The following RANBP17 variants were observed in gnomAD, a reference collection of about 807,000 sequenced individuals.
The protein encoded by RANBP17 is ran-binding protein 17.
In RANBP17, 158 loss-of-function variants were observed where a neutral mutation model predicts 141.2. The observed-to-expected ratio is 1.12, with a 90% confidence interval of 0.98 to 1.28. The LOEUF is 1.28. Among genes scored for constraint, RANBP17 ranks in the 50% most tolerant of loss-of-function variants. The pLI is 0.00. For missense variants in RANBP17, 1,438 were observed against 1,290.7 expected, an observed-to-expected ratio of 1.11 and a Z score of -1.75; for synonymous variants, 430 against 450.0, an observed-to-expected ratio of 0.96 and a Z score of 0.56.
intron 14 of RANBP17, among the ~76,000 whole-genome samples, chr5:171,147,011 T>TTAGTTAA: frequency 6.6e-6 from 1 of 152,186 alleles, no homozygotes; most frequent in East Asian, 1.9e-4. Context: ...AATTAGTAAA[T>TTAGTTAA]ATGTGTAAAT....
intron 24 of RANBP17, among the ~76,000 whole-genome samples, chr5:171,262,420 G>T (rs1325124566): frequency 6.6e-6 from 1 of 152,146 alleles, no homozygotes; most frequent in East Asian, 1.9e-4. Context: ...AGTTAATACG[G>T]AGAGATGCAG....
In RANBP17 at chr5:171,170,215, T is replaced by C; in HGVS notation, c.1784+12T>C. On this transcript the variant is annotated intron_variant, in intron 15 of 27. Transcript: ENST00000523189. Reference sequence around the variant, plus strand: ...TTCATGACAAAAATGTGAGTTCTTGTTTTGGTCTTTAATTTTTCTTTTGTT... The same window carrying C: ...TTCATGACAAAAATGTGAGTTCTTGCTTTGGTCTTTAATTTTTCTTTTGTT... 2 of 1,502,048 alleles carry C rather than the reference T, an allele frequency of 1.3e-6. No individual in the cohort carries two copies. The highest frequency in any genetic ancestry group is 2.8e-5 in the African/African-American group (2 of 71,212). The allele number at this position is 1,502,048 out of a possible 1,614,324, so 93.0% of individuals were successfully genotyped here.
At chr5:171,195,147 A>C (rs192001843) in intron 18 of RANBP17, among the ~76,000 whole-genome samples, 2 of 152,312 alleles carry the variant, frequency 1.3e-5, no homozygotes, top group Admixed American at 1.3e-4. Context: ...TTAGTCTATA[A>C]ATTGGCACTT....
At chr5:170,904,204 T>G (rs1770892167) in intron 5 of RANBP17, 2 of 282,586 alleles carry the variant, frequency 7.1e-6, no homozygotes, top group South Asian at 1.0e-4. Flanking sequence ...CTGTGGACCA[T>G]TTTTATTCAT....
At chr5:171,092,935 A>G (rs1350329945) in intron 14 of RANBP17, among the ~76,000 whole-genome samples, 3 of 152,232 alleles carry the variant, frequency 2.0e-5, no homozygotes, top group Non-Finnish European at 4.4e-5. Context: ...TATTATGGAA[A>G]GCACTCATCT....
chr5:171,198,299 C>T (rs555592509), intron 18 of RANBP17, among the ~76,000 whole-genome samples: 2 of 152,284 alleles, frequency 1.3e-5, no homozygotes, highest in South Asian at 2.1e-4. Flanking sequence ...TACTGACCTT[C>T]GTTTAGAACG....
chr5:171,153,495 A>G (rs1758632518), intron 14 of RANBP17, among the ~76,000 whole-genome samples: 1 of 152,176 alleles, frequency 6.6e-6, no homozygotes, highest in Non-Finnish European at 1.5e-5. Context: ...GGAGAACACA[A>G]AGTTAATAGG....
chr5:171,218,387 C>T (rs1205729424), intron 21 of RANBP17, among the ~76,000 whole-genome samples: 1 of 152,150 alleles, frequency 6.6e-6, no homozygotes, highest in Non-Finnish European at 1.5e-5. Flanking sequence ...GTGGAGAGTT[C>T]TGTAGATGTC....
intron 14 of RANBP17, among the ~76,000 whole-genome samples, chr5:171,166,507 T>C (rs532349485): frequency 6.6e-6 from 1 of 152,228 alleles, no homozygotes; most frequent in African/African-American, 2.4e-5. Context: ...TGGTTTCTTC[T>C]TGGTGTCATA....
chr5:171,296,668 T>G (rs1768842487), intron 27 of RANBP17, among the ~76,000 whole-genome samples: 2 of 152,250 alleles, frequency 1.3e-5, no homozygotes, highest in Admixed American at 1.3e-4. Flanking sequence ...ATCTCAGCAC[T>G]TTGGGAAGCC....
rs1332011017 is a variant in RANBP17, at chr5:171,038,193, T to C, written c.1710+69816T>C. Among the ~76,000 whole-genome samples the C allele has an allele frequency of 4.6e-3, 690 of 149,706 alleles. 4 individuals carry two copies. Among genetic ancestry groups the C allele is most frequent in the African/African-American group, 0.015 (604 of 39,452 alleles). On this transcript the variant is annotated intron_variant, in intron 14 of 27. Coordinates refer to ENST00000523189, the MANE Select transcript of RANBP17 (RefSeq NM_022897.5). ...GTGTGTGTGTGTGTGTGTGTGTGTGTGTGCACGTGCACAGCAATTATAAAT... is the reference window on the plus strand; with the variant it reads ...GTGTGTGTGTGTGTGTGTGTGTGTGCGTGCACGTGCACAGCAATTATAAAT...
chr5:171,186,159 G>C (rs72494520), intron 18 of RANBP17, among the ~76,000 whole-genome samples: 14,038 of 152,218 alleles, frequency 0.092, 1,045 homozygotes, highest in African/African-American at 0.2. Context: ...TCAGCCTGGT[G>C]TTTGAAGCTT....
At chr5:171,017,858 G>T (rs1013700047) in intron 14 of RANBP17, among the ~76,000 whole-genome samples, 1 of 152,128 alleles carries the variant, frequency 6.6e-6, no homozygotes, top group Non-Finnish European at 1.5e-5. Flanking sequence ...TGTTGGTTAG[G>T]TTTTCTTCTA....
At chr5:171,012,656 A>G (rs1561986869) in intron 14 of RANBP17, among the ~76,000 whole-genome samples, 2 of 152,188 alleles carry the variant, frequency 1.3e-5, no homozygotes, top group East Asian at 3.8e-4. Flanking sequence ...GTCATACCCA[A>G]AGAGAAAGTA....
chr5:170,954,380 T>C (rs1775438641), intron 13 of RANBP17, among the ~76,000 whole-genome samples: 1 of 152,186 alleles, frequency 6.6e-6, no homozygotes. Context: ...TGTGTGTTTT[T>C]CAACTTTTCT....
At chr5:171,083,766 A>T (rs1159694310) in intron 14 of RANBP17, among the ~76,000 whole-genome samples, 2 of 152,048 alleles carry the variant, frequency 1.3e-5, no homozygotes, top group African/African-American at 4.8e-5. Context: ...TGCTGTTCTC[A>T]TGATAGCAAA....
chr5:171,239,539 G>A (rs781297030), intron 22 of RANBP17, among the ~76,000 whole-genome samples: 3 of 152,214 alleles, frequency 2.0e-5, no homozygotes, highest in Non-Finnish European at 4.4e-5. Flanking sequence ...TAGGGCCAAA[G>A]TGGGGAGTTG....
chr5:171,292,094 T>C (rs562307886), intron 25 of RANBP17, among the ~76,000 whole-genome samples: 1 of 152,338 alleles, frequency 6.6e-6, no homozygotes, highest in South Asian at 2.1e-4. Context: ...GATCTGTTAG[T>C]TTTGCTTGTC....
At chr5:170,882,257 T>A (rs1768766444) in intron 3 of RANBP17, among the ~76,000 whole-genome samples, 1 of 152,050 alleles carries the variant, frequency 6.6e-6, no homozygotes, top group Non-Finnish European at 1.5e-5. Context: ...AATTTTTGTA[T>A]TTTTAGTAGA....
Sources: gnomAD v4.1 joint callset for allele counts (sites outside exome capture counted in the v4.1 genomes callset) on GRCh38, gnomAD v4.1.1 for gene constraint, MANE v1.5 for transcripts, NCBI Gene and HGNC (gene_info 2026-07-23, HGNC 2026-07-21) for gene names.